The following MDGA2 variants were observed in gnomAD, a reference collection of about 807,000 sequenced individuals.
MDGA2 encodes MAM domain-containing glycosylphosphatidylinositol anchor protein 2.
MDGA2 carries 40 observed loss-of-function variants against 117.8 expected under a neutral mutation model. The observed-to-expected ratio is 0.34, with a 90% CI of 0.26 to 0.44. The LOEUF (loss-of-function observed/expected upper bound fraction) is 0.44. MDGA2 is among the 20% of genes least tolerant of loss of function. The probability of loss-of-function intolerance (pLI) is 1.00; values close to 1 mark genes in which losing one functional copy is unlikely to be tolerated. For missense variants in MDGA2, 1,123 were observed against 1,250.6 expected (o/e 0.90, Z 1.54); for synonymous variants, 452 against 439.0 (o/e 1.03, Z -0.37).
At chr14:47,529,927 C>T (rs1348743995) in intron 1 of MDGA2, among the ~76,000 whole-genome samples, 2 of 152,172 alleles carry the variant, frequency 1.3e-5, no homozygotes, top group Non-Finnish European at 2.9e-5. Flanking sequence ...CCCCCTGAAA[C>T]TACTGCTACG....
At chr14:47,242,716 G>A (rs972633135) in intron 2 of MDGA2, among the ~76,000 whole-genome samples, 20 of 151,820 alleles carry the variant, frequency 1.3e-4, no homozygotes, top group Non-Finnish European at 2.7e-4. Context: ...CGCCATGCCT[G>A]AGCCTCCCAC....
At chr14:47,090,800 A>G (rs12435252) in intron 6 of MDGA2, among the ~76,000 whole-genome samples, 29,971 of 152,120 alleles carry the variant, frequency 0.2, 3,015 homozygotes, top group Admixed American at 0.29. Flanking sequence ...ATGTAAAGAG[A>G]CAAGAATGAG....
At chr14:46,879,301 C>T (rs1882354648) in intron 11 of MDGA2, among the ~76,000 whole-genome samples, 1 of 152,006 alleles carries the variant, frequency 6.6e-6, no homozygotes, top group African/African-American at 2.4e-5. Context: ...CTAACTATGC[C>T]AGTGCTTTGA....
At chr14:47,088,290 A>G (rs550955061) in intron 6 of MDGA2, among the ~76,000 whole-genome samples, 11 of 152,262 alleles carry the variant, frequency 7.2e-5, no homozygotes, top group Middle Eastern at 3.4e-3. Flanking sequence ...AAGTAATATA[A>G]TAACATTCTC....
chr14:46,975,151 T>G (rs544102073), intron 8 of MDGA2, among the ~76,000 whole-genome samples: 1 of 152,230 alleles, frequency 6.6e-6, no homozygotes, highest in Non-Finnish European at 1.5e-5. Context: ...AGATGCCATT[T>G]AATATCCATT....
chr14:47,441,944 G>T (rs1170077817), intron 1 of MDGA2, among the ~76,000 whole-genome samples: 1 of 152,098 alleles, frequency 6.6e-6, no homozygotes, highest in Non-Finnish European at 1.5e-5. Flanking sequence ...TTTCCTATTT[G>T]ATTTCAGAAA....
intron 1 of MDGA2, among the ~76,000 whole-genome samples, chr14:47,619,319 A>G (rs1011611784): frequency 6.6e-5 from 10 of 152,322 alleles, no homozygotes; most frequent in African/African-American, 2.4e-4. Flanking sequence ...TGTACTCTTT[A>G]TGGTACAGTA....
At chr14:47,452,281 T>C (rs147983511) in intron 1 of MDGA2, among the ~76,000 whole-genome samples, 18 of 152,164 alleles carry the variant, frequency 1.2e-4, no homozygotes, top group South Asian at 2.1e-4. Flanking sequence ...AATAAATAGA[T>C]TGGATGGCCT....
At chr14:47,541,038 G>A (rs1039856668) in intron 1 of MDGA2, among the ~76,000 whole-genome samples, 4 of 152,140 alleles carry the variant, frequency 2.6e-5, no homozygotes, top group African/African-American at 9.6e-5. Flanking sequence ...TTAGATTATT[G>A]CTTGCTCCTT....
At chr14:47,211,667 T>A (rs1212321185) in intron 3 of MDGA2, among the ~76,000 whole-genome samples, 1 of 151,902 alleles carries the variant, frequency 6.6e-6, no homozygotes, top group Non-Finnish European at 1.5e-5. Flanking sequence ...CCAAGGCTGT[T>A]TGTTACACAA....
intron 1 of MDGA2, among the ~76,000 whole-genome samples, chr14:47,385,819 G>T (rs1404960539): frequency 6.6e-6 from 1 of 152,146 alleles, no homozygotes; most frequent in Non-Finnish European, 1.5e-5. Flanking sequence ...GGTGATGATA[G>T]CAACTGAGGC....
chr14:46,902,096 A>G (rs116191131), intron 10 of MDGA2, among the ~76,000 whole-genome samples: 423 of 152,274 alleles, frequency 2.8e-3, no homozygotes, highest in African/African-American at 9.7e-3. Flanking sequence ...CCCTTGTTTT[A>G]CAAGAAGGAG....
chr14:47,375,096 T>A (rs187229900), intron 1 of MDGA2, among the ~76,000 whole-genome samples: 29 of 151,944 alleles, frequency 1.9e-4, no homozygotes, highest in Admixed American at 4.6e-4. Context: ...TTAATTTTTT[T>A]AAAATTTTTT....
intron 14 of MDGA2, among the ~76,000 whole-genome samples, chr14:46,858,446 G>C (rs999873704): frequency 2.5e-5 from 1 of 39,404 alleles, no homozygotes; most frequent in South Asian, 6.2e-4. Context: ...TTTTTTTTTT[G>C]AGACGGAGTC....
intron 1 of MDGA2, among the ~76,000 whole-genome samples, chr14:47,332,800 G>T (rs187533629): frequency 6.6e-6 from 1 of 151,488 alleles, no homozygotes; most frequent in African/African-American, 2.4e-5. Flanking sequence ...CTCAGCCCTC[G>T]CCCCCTCCCA....
rs1199340416 is a variant in MDGA2 at position 47,207,557 on chromosome 14, C to G, written c.595+10464G>C. Among the ~76,000 whole-genome samples the G allele has an allele frequency of 3.9e-5, 6 of 152,040 alleles. No homozygotes were observed. In the Middle Eastern group the frequency reaches 0.021, roughly 524 times the overall value. Reference sequence around the variant, plus strand: ...AAAAATGGAATTTGTTCCCCTTTCTCTATTTTAGCTCATTCTGAAAACTGG... The same window carrying G: ...AAAAATGGAATTTGTTCCCCTTTCTGTATTTTAGCTCATTCTGAAAACTGG... On this transcript the variant is annotated intron_variant, in intron 3 of 16. Coordinates refer to ENST00000399232, the MANE Select transcript of MDGA2 (RefSeq NM_001113498.3).
rs957604461 is a variant in MDGA2, at chr14:47,312,977, A to T, written c.281-11427T>A. On this transcript the variant is annotated intron_variant, in intron 1 of 16. Transcript: ENST00000399232. ...TCTCTAATACAAACTGCTAATTAAT[A>T]TTTCCCTGCCGTTTTTAAACTAATG... Among the ~76,000 whole-genome samples, 16 of 150,266 alleles carry T rather than the reference A, an allele frequency of 1.1e-4. No individual in the cohort carries two copies. The East Asian group carries it at 2.9e-3, about 28-fold the overall frequency.
chr14:47,619,338 C>T (rs1376956348), intron 1 of MDGA2, among the ~76,000 whole-genome samples: 1 of 152,042 alleles, frequency 6.6e-6, no homozygotes, highest in Non-Finnish European at 1.5e-5. Context: ...TAGTTAGCTG[C>T]GTCATCATCA....
chr14:47,270,619 G>A (rs538394965), intron 2 of MDGA2, among the ~76,000 whole-genome samples: 181 of 152,314 alleles, frequency 1.2e-3, no homozygotes, highest in African/African-American at 4.2e-3. Context: ...AGGAGGTGAT[G>A]TGAGGAAGCT....
Sources: allele counts gnomAD v4.1 joint callset (sites outside exome capture counted in the v4.1 genomes callset), GRCh38; gene constraint gnomAD v4.1.1; transcripts MANE v1.5; gene names NCBI Gene and HGNC (gene_info 2026-07-23, HGNC 2026-07-21).